The following PRELID2 variants were observed in gnomAD, a reference collection of about 807,000 sequenced individuals.
PRELID2 encodes the protein PRELI domain containing 2, also known as PRELI domain-containing protein 2.
PRELID2 carries 25 observed loss-of-function variants against 28.4 expected under a neutral mutation model. The observed-to-expected ratio is 0.88, with a 90% CI of 0.64 to 1.23. The LOEUF is 1.23. Ranked by LOEUF, PRELID2 falls within the 50% of genes most tolerant of loss-of-function variation. The probability of loss-of-function intolerance (pLI) is 0.00; values close to 1 mark genes in which losing one functional copy is unlikely to be tolerated. For missense variants in PRELID2, 201 were observed against 214.4 expected (o/e 0.94, Z 0.39); for synonymous variants, 76 against 71.6 (o/e 1.06, Z -0.31).
intron 1 of PRELID2, among the ~76,000 whole-genome samples, chr5:145,523,531 G>A (rs926834484): frequency 6.6e-6 from 1 of 152,148 alleles, no homozygotes; most frequent in Non-Finnish European, 1.5e-5. Context: ...TCAAAGTGTA[G>A]GCATGGCAGG....
intron 1 of PRELID2, among the ~76,000 whole-genome samples, chr5:145,741,494 A>C (rs1441090914): frequency 8.1e-6 from 1 of 123,282 alleles, no homozygotes; most frequent in Non-Finnish European, 1.6e-5. Flanking sequence ...TAAATAAATT[A>C]TATATAAAAT....
chr5:145,657,600 G>T (rs1754419512), intron 1 of PRELID2, among the ~76,000 whole-genome samples: 1 of 152,126 alleles, frequency 6.6e-6, no homozygotes, highest in African/African-American at 2.4e-5. Context: ...CAAGAAAATT[G>T]CTTGAACCCG....
chr5:145,346,325 A>T, the PRELID2 span, among the ~76,000 whole-genome samples: 1 of 152,100 alleles, frequency 6.6e-6, no homozygotes, highest in Non-Finnish European at 1.5e-5. Context: ...TCTTAATCTC[A>T]TATCTGTTTG....
the PRELID2 span, among the ~76,000 whole-genome samples, chr5:145,308,064 A>G: frequency 6.6e-6 from 1 of 152,166 alleles, no homozygotes; most frequent in Admixed American, 6.5e-5. Flanking sequence ...AAGCGGTAAT[A>G]CACTCTCTTA....
At chr5:145,582,578 C>A (rs1427323851) in intron 1 of PRELID2, among the ~76,000 whole-genome samples, 1 of 151,850 alleles carries the variant, frequency 6.6e-6, no homozygotes, top group African/African-American at 2.4e-5. Context: ...GTTTCCTCAC[C>A]TATAAAATGG....
chr5:145,587,463 C>A (rs1286567681), intron 1 of PRELID2, among the ~76,000 whole-genome samples: 1 of 152,114 alleles, frequency 6.6e-6, no homozygotes, highest in Non-Finnish European at 1.5e-5. Flanking sequence ...TTAACATCTG[C>A]TGACAGGGCA....
At chr5:145,639,630 A>G (rs1484033713) in intron 1 of PRELID2, among the ~76,000 whole-genome samples, 1 of 152,174 alleles carries the variant, frequency 6.6e-6, no homozygotes, top group Non-Finnish European at 1.5e-5. Flanking sequence ...TTACGCTTCT[A>G]TCTGCCTTTT....
the PRELID2 span, among the ~76,000 whole-genome samples, chr5:145,280,386 C>A: frequency 1.3e-5 from 2 of 152,140 alleles, no homozygotes; most frequent in Non-Finnish European, 1.5e-5. Context: ...AAGAAATACA[C>A]TCTACTCAAT....
At position 145,741,636 on chromosome 5, in the gene PRELID2, A is replaced by T. The variant is rs1446910573; in HGVS notation, n.70+23295T>A. ...TTTATATATAAATAATTTATTTATA[A>T]TTTATTTATATATAAATAATTTATT... On this transcript the variant is annotated intron_variant and non_coding_transcript_variant, in intron 1 of 2. Coordinates refer to the PRELID2 transcript ENST00000510259. Among the ~76,000 whole-genome samples the T allele has an allele frequency of 6.1e-3, 77 of 12,632 alleles. 20 individuals carry two copies. Among genetic ancestry groups the T allele is most frequent in the African/African-American group, 0.016 (72 of 4,554 alleles). The allele number at this position is 12,632 out of a possible 152,430, so 8.3% of individuals were successfully genotyped here. A position where few individuals can be genotyped will look rare whatever the true frequency, so the allele number is the denominator to read the frequency against.
chr5:145,413,611 T>TAC, the PRELID2 span, among the ~76,000 whole-genome samples: 14,483 of 139,964 alleles, frequency 0.1, 780 homozygotes, highest in East Asian at 0.29. Context: ...ATGAAGAAAA[T>TAC]ACACACACAC....
At chr5:145,539,291 C>T (rs1330805442) in intron 1 of PRELID2, among the ~76,000 whole-genome samples, 1 of 152,050 alleles carries the variant, frequency 6.6e-6, no homozygotes, top group Admixed American at 6.6e-5. Flanking sequence ...ACCTGAACAA[C>T]TGACTTTGGT....
At chr5:145,703,322 C>A (rs1755457685) in intron 1 of PRELID2, among the ~76,000 whole-genome samples, 1 of 152,180 alleles carries the variant, frequency 6.6e-6, no homozygotes, top group East Asian at 1.9e-4. Context: ...ACATTATTAC[C>A]AAATACCCTT....
the PRELID2 span, among the ~76,000 whole-genome samples, chr5:145,237,202 GT>G: frequency 6.6e-6 from 1 of 152,118 alleles, no homozygotes; most frequent in Non-Finnish European, 1.5e-5. Context: ...TTGACTCACA[GT>G]CCCAACACAT....
intron 1 of PRELID2, among the ~76,000 whole-genome samples, chr5:145,498,372 C>G (rs1752325559): frequency 6.6e-6 from 1 of 152,208 alleles, no homozygotes. Context: ...GATTAAAATT[C>G]TACACAGTCA....
chr5:145,288,252 T>A, the PRELID2 span, among the ~76,000 whole-genome samples: 519 of 152,274 alleles, frequency 3.4e-3, 2 homozygotes, highest in African/African-American at 0.012. Flanking sequence ...TCACCCCCAA[T>A]AGAGATTTAA....
chr5:145,662,081 A>G (rs529729844), intron 1 of PRELID2, among the ~76,000 whole-genome samples: 113 of 152,136 alleles, frequency 7.4e-4, no homozygotes, highest in Non-Finnish European at 1.4e-3. Flanking sequence ...TCGGGGTCCA[A>G]TGCAGGCACT....
At chr5:145,603,934 G>A (rs1020411349) in intron 1 of PRELID2, among the ~76,000 whole-genome samples, 4 of 151,828 alleles carry the variant, frequency 2.6e-5, no homozygotes, top group African/African-American at 7.2e-5. Context: ...AAATAGAATA[G>A]TCAATCTAGA....
chr5:145,729,723 G>T (rs1756281806), intron 1 of PRELID2, among the ~76,000 whole-genome samples: 1 of 152,134 alleles, frequency 6.6e-6, no homozygotes, highest in Non-Finnish European at 1.5e-5. Flanking sequence ...GGTCTTTCTT[G>T]CCCCATGTTG....
At chr5:145,445,665 A>T in the PRELID2 span, among the ~76,000 whole-genome samples, 1 of 151,980 alleles carries the variant, frequency 6.6e-6, no homozygotes, top group African/African-American at 2.4e-5. Context: ...TGCTCAAGCA[A>T]CTCAACAGCA....
Sources: gnomAD v4.1 joint callset for allele counts (sites outside exome capture counted in the v4.1 genomes callset) on GRCh38, gnomAD v4.1.1 for gene constraint, MANE v1.5 for transcripts, NCBI Gene and HGNC (gene_info 2026-07-23, HGNC 2026-07-21) for gene names.